ATG10: variants seen among roughly 807,000 people sequenced by gnomAD.
The protein encoded by ATG10 is ubiquitin-like-conjugating enzyme ATG10.
In ATG10, 30 loss-of-function variants were observed where a neutral mutation model predicts 32.1. That is an observed-to-expected ratio of 0.94 (90% CI 0.70 to 1.27). The LOEUF (loss-of-function observed/expected upper bound fraction) is 1.27, where lower values mean the gene tolerates loss of function less well. Ranked by LOEUF, ATG10 falls within the 50% of genes most tolerant of loss-of-function variation. ATG10 has a pLI of 0.00. For synonymous variants in ATG10, 87 were observed against 91.5 expected (o/e 0.95, Z 0.28); for missense variants, 233 against 262.3 (o/e 0.89, Z 0.77).
intron 3 of ATG10, among the ~76,000 whole-genome samples, chr5:82,161,784 C>A (rs145909200): frequency 1.1e-3 from 165 of 148,990 alleles, no homozygotes; most frequent in African/African-American, 4.0e-3. Context: ...CTATTGAAAT[C>A]ATCTAGGAAA....
At chr5:82,070,103 A>G (rs912067064) in intron 3 of ATG10, among the ~76,000 whole-genome samples, 2 of 152,200 alleles carry the variant, frequency 1.3e-5, no homozygotes, top group African/African-American at 4.8e-5. Flanking sequence ...GATAGAGATT[A>G]CATGTTTGTC....
At chr5:82,094,052 A>C (rs924053957) in intron 3 of ATG10, among the ~76,000 whole-genome samples, 5 of 152,068 alleles carry the variant, frequency 3.3e-5, no homozygotes, top group African/African-American at 1.2e-4. Flanking sequence ...TACTTAGCTG[A>C]AGATTTGAGG....
chr5:81,993,409 T>TTTTCTTTTCTTTTCTTTTCTTTTCTTTTC, intron 2 of ATG10, among the ~76,000 whole-genome samples: 1 of 138,008 alleles, frequency 7.2e-6, no homozygotes, highest in South Asian at 2.3e-4. Flanking sequence ...TTTTCTTTTC[T>TTTTCTTTTCTTTTCTTTTCTTTTCTTTTC]TTTCTTTTCT....
At chr5:81,993,724 C>G (rs1482902918) in intron 2 of ATG10, among the ~76,000 whole-genome samples, 1 of 151,944 alleles carries the variant, frequency 6.6e-6, no homozygotes, top group African/African-American at 2.4e-5. Flanking sequence ...CCGTGCCCAG[C>G]CTTAGCCTGG....
intron 5 of ATG10, among the ~76,000 whole-genome samples, chr5:82,244,324 G>A (rs1746933463): frequency 6.6e-6 from 1 of 152,180 alleles, no homozygotes. Flanking sequence ...ATGAGGAGGT[G>A]CAGTGTAAGT....
intron 1 of ATG10, among the ~76,000 whole-genome samples, chr5:81,977,124 C>T (rs957270895): frequency 1.3e-5 from 2 of 152,154 alleles, no homozygotes; most frequent in African/African-American, 4.8e-5. Context: ...AATCCACCTG[C>T]CTTGTCCTCC....
chr5:82,202,597 C>T (rs184120511), intron 5 of ATG10, among the ~76,000 whole-genome samples: 2 of 152,228 alleles, frequency 1.3e-5, no homozygotes, highest in African/African-American at 4.8e-5. Context: ...AGTATTTCTC[C>T]CACACTCTAG....
At chr5:82,060,268 C>G (rs1470390788) in intron 3 of ATG10, among the ~76,000 whole-genome samples, 5 of 152,090 alleles carry the variant, frequency 3.3e-5, no homozygotes, top group Non-Finnish European at 7.4e-5. Context: ...ATACTTACCA[C>G]CTAAAGTCTA....
At chr5:82,206,232 A>G (rs778860129) in intron 5 of ATG10, among the ~76,000 whole-genome samples, 4 of 152,214 alleles carry the variant, frequency 2.6e-5, no homozygotes, top group Non-Finnish European at 4.4e-5. Context: ...TTGAGATAGA[A>G]GGAAAGACTG....
At chr5:82,028,686 C>T (rs191898093) in intron 2 of ATG10, among the ~76,000 whole-genome samples, 2 of 152,124 alleles carry the variant, frequency 1.3e-5, no homozygotes, top group East Asian at 1.9e-4. Context: ...AGTAGATGTC[C>T]GAGGAAAAGT....
At chr5:81,980,919 G>T (rs903764568) in intron 1 of ATG10, among the ~76,000 whole-genome samples, 1 of 152,166 alleles carries the variant, frequency 6.6e-6, no homozygotes, top group African/African-American at 2.4e-5. Context: ...TCTTTCCCCT[G>T]ACCTAGTGAT....
intron 3 of ATG10, among the ~76,000 whole-genome samples, chr5:82,101,006 C>T (rs1222271735): frequency 2.6e-5 from 4 of 152,010 alleles, no homozygotes; most frequent in Non-Finnish European, 5.9e-5. Flanking sequence ...AAGAGGATGA[C>T]TCAGATGGTG....
chr5:82,051,722 G>A (rs552046377), intron 2 of ATG10, among the ~76,000 whole-genome samples: 24 of 152,258 alleles, frequency 1.6e-4, no homozygotes, highest in Non-Finnish European at 2.9e-4. Flanking sequence ...GATATTTGGG[G>A]TATGGGGAGG....
chr5:82,165,437 T>C (rs573572706), intron 4 of ATG10, among the ~76,000 whole-genome samples: 1 of 152,382 alleles, frequency 6.6e-6, no homozygotes, highest in East Asian at 1.9e-4. Context: ...GTAGATTTAA[T>C]CACTTGCTGT....
chr5:82,046,167 C>T (rs983632793), intron 2 of ATG10, among the ~76,000 whole-genome samples: 6 of 152,202 alleles, frequency 3.9e-5, no homozygotes, highest in African/African-American at 1.2e-4. Flanking sequence ...GGCTGCGTTT[C>T]TCCTACCTCT....
intron 3 of ATG10, among the ~76,000 whole-genome samples, chr5:82,116,775 A>T (rs985657024): frequency 1.3e-5 from 2 of 152,140 alleles, no homozygotes; most frequent in Non-Finnish European, 2.9e-5. Context: ...TTAGAAGGGA[A>T]GATCTGAGAG....
chr5:82,037,129 CAAAAAAAAAAA>C (rs1159037400), intron 2 of ATG10, among the ~76,000 whole-genome samples: 3 of 25,800 alleles, frequency 1.2e-4, no homozygotes, highest in African/African-American at 4.5e-4. Context: ...GACTCTGTCT[CAAAAAAAAAAA>C]AAAAAAAAAA....
chr5:81,976,665 C>T (rs1195432860), intron 1 of ATG10, among the ~76,000 whole-genome samples: 1 of 152,180 alleles, frequency 6.6e-6, no homozygotes, highest in African/African-American at 2.4e-5. Context: ...CAAAAGCCTT[C>T]TAACTGTGTC....
chr5:82,079,847 G>A (rs1009956189), intron 3 of ATG10, among the ~76,000 whole-genome samples: 9 of 152,148 alleles, frequency 5.9e-5, no homozygotes, highest in African/African-American at 1.7e-4. Flanking sequence ...TGTCTTTATA[G>A]CAGCATGATT....
Sources: allele counts gnomAD v4.1 joint callset (sites outside exome capture counted in the v4.1 genomes callset), GRCh38; gene constraint gnomAD v4.1.1; transcripts MANE v1.5; gene names NCBI Gene and HGNC (gene_info 2026-07-23, HGNC 2026-07-21).